The following NHSL1 variants were observed in gnomAD, a reference collection of about 807,000 sequenced individuals.
NHSL1 encodes NHS like 1, also known as NHS-like protein 1.
In NHSL1, 48 loss-of-function variants were observed where a neutral mutation model predicts 95.0. The ratio of observed to expected loss-of-function variants is 0.51; its 90% CI spans 0.40 to 0.64. The LOEUF (loss-of-function observed/expected upper bound fraction) is 0.64, where lower values mean the gene tolerates loss of function less well. NHSL1 is among the 30% of genes least tolerant of loss of function. NHSL1 has a pLI of 0.00. For missense variants in NHSL1, 1,971 were observed against 2,077.7 expected (o/e 0.95, Z 1.00); for synonymous variants, 783 against 833.9 (o/e 0.94, Z 1.05).
intron 1 of NHSL1, among the ~76,000 whole-genome samples, chr6:138,633,174 C>A (rs922018645): frequency 2.0e-5 from 3 of 151,950 alleles, no homozygotes; most frequent in Non-Finnish European, 4.4e-5. Flanking sequence ...GAATAAAGAA[C>A]AATGAAGCAT....
chr6:138,691,042 G>C (rs1389297075), intron 1 of NHSL1, among the ~76,000 whole-genome samples: 1 of 152,064 alleles, frequency 6.6e-6, no homozygotes, highest in African/African-American at 2.4e-5. Context: ...TAAAATTCTG[G>C]TTCTCCCACG....
chr6:138,519,401 A>T (rs1170563138), intron 1 of NHSL1, among the ~76,000 whole-genome samples: 1 of 152,246 alleles, frequency 6.6e-6, no homozygotes, highest in Admixed American at 6.5e-5. Flanking sequence ...TTACTTCTTC[A>T]TAAACACCCA....
exon 1 of NHSL1, chr6:138,572,009 C>T (rs1783857851): frequency 2.2e-6 from 2 of 914,518 alleles, no homozygotes; most frequent in Non-Finnish European, 3.3e-6. Context: ...CCTGCTGTTT[C>T]CCTCTTAGAC....
In NHSL1 at chr6:138,437,366, A is replaced by G. The variant is rs556770717; in HGVS notation, c.665-3686T>C. ...TACACATATATATATACACATATAT[A>G]TATATACACATATATATATACACAT... is the stretch of plus-strand genomic sequence containing the variant. On this transcript the variant is annotated intron_variant, in intron 5 of 7. Coordinates refer to ENST00000343505, the MANE Select transcript of NHSL1 (RefSeq NM_001144060.2). 2.2e-4 allele frequency among the ~76,000 whole-genome samples: 4 copies of G among 18,510 alleles called. No homozygotes were observed. In the South Asian group the frequency reaches 5.4e-3, roughly 25 times the overall value. 12.1% of individuals were successfully genotyped at this position (18,510 alleles called of 152,430 possible). A position where few individuals can be genotyped will look rare whatever the true frequency, so the allele number is the denominator to read the frequency against.
chr6:138,654,955 C>T (rs1459950462), intron 1 of NHSL1, among the ~76,000 whole-genome samples: 1 of 152,110 alleles, frequency 6.6e-6, no homozygotes, highest in East Asian at 1.9e-4. Context: ...AGTGTCTGCT[C>T]TATAAGCTTT....
chr6:138,691,920 G>T, intron 1 of NHSL1: 1 of 456,656 alleles, frequency 2.2e-6, no homozygotes, highest in Non-Finnish European at 4.4e-6. Flanking sequence ...TGCGCCAAAT[G>T]GGAAAACCCT....
chr6:138,658,491 A>G (rs73568705), intron 1 of NHSL1, among the ~76,000 whole-genome samples: 6,098 of 152,286 alleles, frequency 0.04, 319 homozygotes, highest in African/African-American at 0.12. Context: ...ATCCTCTCCA[A>G]GCTCATCCAT....
At chr6:138,515,126 C>T (rs1208398270) in intron 1 of NHSL1, among the ~76,000 whole-genome samples, 1 of 152,176 alleles carries the variant, frequency 6.6e-6, no homozygotes, top group Non-Finnish European at 1.5e-5. Flanking sequence ...GTTCACCACA[C>T]TTCTCAGAAC....
intron 3 of NHSL1, among the ~76,000 whole-genome samples, chr6:138,464,653 G>C (rs1026968337): frequency 2.0e-5 from 3 of 150,254 alleles, no homozygotes. Flanking sequence ...GTGTGTTTTC[G>C]CTGTTTGGAA....
chr6:138,437,296 G>GTATATATATA (rs144143973), intron 5 of NHSL1, among the ~76,000 whole-genome samples: 9 of 96,120 alleles, frequency 9.4e-5, no homozygotes, highest in African/African-American at 4.0e-4. Context: ...ATACACAAAT[G>GTATATATATA]TATATATATA....
rs1775809276 is a variant in NHSL1 at position 138,432,945 on chromosome 6, G to A, written c.1400C>T (p.Pro467Leu). The A allele has an allele frequency of 1.3e-6, 2 of 1,551,392 alleles. No individual in the cohort carries two copies. Among genetic ancestry groups the A allele is most frequent in the East Asian group, 4.9e-5 (2 of 40,914 alleles). ...RHAVKGDPQS[P>L]GRHWNEGHAT... ...ATGGCCCTCATTCCAGTGGCGACCG[G>A]GAGACTGAGGATCACCTTTCACAGC... is the stretch of plus-strand genomic sequence containing the variant. Residue 467 changes from proline (P) to leucine (L), a missense_variant, in exon 6 of 8, where the codon CCC (proline) becomes CTC (leucine). Pro to Leu is a moderately conservative substitution (Grantham distance 98, BLOSUM62 -3). This residue lies in a region of NHSL1 where 1,602 missense variants were observed against 1,654.5 expected (regional missense o/e 0.97). Coordinates refer to ENST00000343505, the MANE Select transcript of NHSL1 (RefSeq NM_001144060.2). The surrounding 1 kb of genome is among the most constrained non-coding windows in gnomAD (Gnocchi z 4.4).
intron 5 of NHSL1, among the ~76,000 whole-genome samples, chr6:138,440,283 A>C (rs1776444516): frequency 1.3e-5 from 2 of 152,224 alleles, no homozygotes; most frequent in Non-Finnish European, 1.5e-5. Flanking sequence ...CTGTCACTTC[A>C]AGAATGGAAA....
chr6:138,591,451 T>C (rs1784225479), intron 1 of NHSL1, among the ~76,000 whole-genome samples: 1 of 152,198 alleles, frequency 6.6e-6, no homozygotes, highest in African/African-American at 2.4e-5. Flanking sequence ...TCTCACAATG[T>C]TGTCCAGGCT....
chr6:138,648,817 G>A (rs920279478), intron 1 of NHSL1, among the ~76,000 whole-genome samples: 1 of 152,034 alleles, frequency 6.6e-6, no homozygotes, highest in Non-Finnish European at 1.5e-5. Flanking sequence ...GAGCATAGAA[G>A]AGGCAAGAAT....
chr6:138,481,013 C>T (rs1779386072), intron 2 of NHSL1, among the ~76,000 whole-genome samples: 1 of 152,056 alleles, frequency 6.6e-6, no homozygotes, highest in Admixed American at 6.6e-5. Flanking sequence ...TAATAATCTA[C>T]CAGATTATTA....
intron 1 of NHSL1, among the ~76,000 whole-genome samples, chr6:138,580,969 A>G (rs1784046152): frequency 6.6e-6 from 1 of 152,226 alleles, no homozygotes; most frequent in African/African-American, 2.4e-5. Context: ...AGGCAATGTG[A>G]CCACAGAGGC....
chr6:138,435,564 G>A (rs1447199734), intron 5 of NHSL1, among the ~76,000 whole-genome samples: 1 of 151,920 alleles, frequency 6.6e-6, no homozygotes, highest in Non-Finnish European at 1.5e-5. Flanking sequence ...CTTATCACAA[G>A]GACCACCAAA....
intron 1 of NHSL1, among the ~76,000 whole-genome samples, chr6:138,563,600 T>A (rs947551647): frequency 2.0e-5 from 3 of 152,200 alleles, no homozygotes; most frequent in African/African-American, 7.2e-5. Flanking sequence ...TTACAGCATA[T>A]CTATAAAACA....
intron 1 of NHSL1, among the ~76,000 whole-genome samples, chr6:138,599,867 T>C (rs1483713117): frequency 6.6e-6 from 1 of 152,080 alleles, no homozygotes; most frequent in Non-Finnish European, 1.5e-5. Context: ...CCGGGCATGG[T>C]GGCTCATGAC....
Sources: allele counts gnomAD v4.1 joint callset (sites outside exome capture counted in the v4.1 genomes callset), GRCh38; gene constraint gnomAD v4.1.1; regional missense constraint gnomAD v4.1.1; non-coding constraint Gnocchi (gnomAD v3.1); transcripts MANE v1.5; gene names NCBI Gene and HGNC (gene_info 2026-07-23, HGNC 2026-07-21).